PALM2AKAP2: variants seen among roughly 807,000 people sequenced by gnomAD.
PALM2AKAP2 encodes PALM2-AKAP2 fusion protein.
A neutral mutation model predicts 71.5 loss-of-function variants in PALM2AKAP2; 37 were observed. That is an observed-to-expected ratio of 0.52 (90% confidence interval 0.40 to 0.68). The LOEUF (loss-of-function observed/expected upper bound fraction) is 0.68, where lower values mean the gene tolerates loss of function less well. Among genes scored for constraint, PALM2AKAP2 ranks in the 30% least tolerant of loss-of-function variants. PALM2AKAP2 has a pLI of 0.00. For synonymous variants in PALM2AKAP2, 468 were observed against 478.8 expected, an observed-to-expected ratio of 0.98 and a Z score of 0.29; for missense variants, 1,224 against 1,191.8, an observed-to-expected ratio of 1.03 and a Z score of -0.40.
intron 6 of PALM2AKAP2, among the ~76,000 whole-genome samples, chr9:110,013,085 C>G (rs1347353463): frequency 6.6e-6 from 1 of 152,278 alleles, no homozygotes; most frequent in East Asian, 1.9e-4. Context: ...CTGATCTAGA[C>G]CTGGCTTGGC....
chr9:109,871,542 T>A (rs886980481), intron 2 of PALM2AKAP2, among the ~76,000 whole-genome samples: 3 of 152,192 alleles, frequency 2.0e-5, no homozygotes, highest in Non-Finnish European at 2.9e-5. Flanking sequence ...CAGCAAAATA[T>A]AAAGAAAAAA....
At chr9:109,925,934 TG>T (rs1307676489) in intron 5 of PALM2AKAP2, among the ~76,000 whole-genome samples, 1 of 152,160 alleles carries the variant, frequency 6.6e-6, no homozygotes, top group Non-Finnish European at 1.5e-5. Context: ...GGGCTGGGTG[TG>T]GTGGCTCAGG....
intron 6 of PALM2AKAP2, among the ~76,000 whole-genome samples, chr9:109,989,512 G>A (rs1466602774): frequency 6.6e-6 from 1 of 152,202 alleles, no homozygotes; most frequent in African/African-American, 2.4e-5. Context: ...GCCTGGAACA[G>A]TCACATTCTT....
intron 1 of PALM2AKAP2, among the ~76,000 whole-genome samples, chr9:109,658,365 C>G (rs145933009): frequency 0.013 from 1,948 of 152,134 alleles, 54 homozygotes; most frequent in African/African-American, 0.045. Context: ...TTTTCATTCC[C>G]TGTATCAATA....
At chr9:110,003,745 A>C (rs1432029570) in intron 6 of PALM2AKAP2, among the ~76,000 whole-genome samples, 1 of 152,184 alleles carries the variant, frequency 6.6e-6, no homozygotes, top group East Asian at 1.9e-4. Flanking sequence ...TAGGATAGTT[A>C]GCTCTTCTTG....
intron 6 of PALM2AKAP2, among the ~76,000 whole-genome samples, chr9:110,013,991 G>A (rs983201105): frequency 3.9e-5 from 6 of 152,146 alleles, no homozygotes; most frequent in African/African-American, 1.4e-4. Flanking sequence ...ACATACTCAT[G>A]CTCATTTGTT....
At chr9:110,078,013 C>CA (rs34622810) in intron 1 of PALM2AKAP2, among the ~76,000 whole-genome samples, 13,297 of 97,326 alleles carry the variant, frequency 0.14, 669 homozygotes, top group African/African-American at 0.19. Flanking sequence ...GACTCAGTCT[C>CA]AAAAAAAAAA....
At chr9:109,835,866 A>G (rs1564171556) in intron 1 of PALM2AKAP2, among the ~76,000 whole-genome samples, 1 of 152,186 alleles carries the variant, frequency 6.6e-6, no homozygotes, top group Non-Finnish European at 1.5e-5. Context: ...TTGAGTAGGT[A>G]AACAAAGTGG....
At chr9:110,076,979 G>A (rs762121841) in intron 1 of PALM2AKAP2, among the ~76,000 whole-genome samples, 1 of 152,202 alleles carries the variant, frequency 6.6e-6, no homozygotes, top group African/African-American at 2.4e-5. Context: ...CACCCCTGTG[G>A]TAGGCCCAGG....
intron 1 of PALM2AKAP2, among the ~76,000 whole-genome samples, chr9:109,733,431 T>C (rs1159074124): frequency 6.6e-6 from 1 of 152,188 alleles, no homozygotes; most frequent in East Asian, 1.9e-4. Context: ...GGAAGTGTTG[T>C]GTCTGGCTTA....
chr9:109,733,451 C>T lies in PALM2AKAP2; in HGVS notation c.6-47037C>T, dbSNP rs1011085128. Among the ~76,000 whole-genome samples, 28 of 152,060 alleles carry T rather than the reference C, an allele frequency of 1.8e-4. 1 individual carries two copies. The highest frequency in any genetic ancestry group is 1.6e-3 in the Admixed American group (24 of 15,266). On this transcript the variant is annotated intron_variant, in intron 1 of 6. Transcript: ENST00000374531. The stretch of plus-strand genomic sequence containing the variant: ...TGTTGTGTCTGGCTTAATGGCTAGG[C>T]AGAGTGAGAACAGAGGCTGGAACAC...
At chr9:109,704,499 G>T (rs75425073) in intron 1 of PALM2AKAP2, among the ~76,000 whole-genome samples, 154 of 152,290 alleles carry the variant, frequency 1.0e-3, no homozygotes, top group African/African-American at 3.7e-3. Flanking sequence ...GTTTTAGAGG[G>T]AGGATACTGC....
At chr9:109,782,660 G>A (rs1486261133) in intron 1 of PALM2AKAP2, among the ~76,000 whole-genome samples, 1 of 151,984 alleles carries the variant, frequency 6.6e-6, no homozygotes, top group African/African-American at 2.4e-5. Context: ...GTATCCAAGG[G>A]GGTCCTGAAA....
intron 1 of PALM2AKAP2, among the ~76,000 whole-genome samples, chr9:109,770,132 T>TGACC (rs771909218): frequency 4.6e-5 from 7 of 152,212 alleles, no homozygotes; most frequent in Non-Finnish European, 8.8e-5. Flanking sequence ...AGAGGAGCTC[T>TGACC]TGGGCTGGGT....
chr9:110,168,486 GA>G lies in PALM2AKAP2; in HGVS notation c.2837del (p.Asp946AlafsTer26). The stretch of plus-strand genomic sequence containing the variant: ...GATCTATGCCAACCAGGAGGAAGAA[GA>G]CAACGAATAAACTTCCTTCAACCCA... On this transcript the variant is annotated frameshift_variant, in exon 4 of 4. Transcript: ENST00000374525. LOFTEE classifies it high-confidence loss of function. The G allele has an allele frequency of 6.2e-7, 1 of 1,614,130 alleles. No individual in the cohort carries two copies.
intron 1 of PALM2AKAP2, among the ~76,000 whole-genome samples, chr9:109,667,288 A>C (rs1211638898): frequency 7.9e-5 from 12 of 152,156 alleles, no homozygotes; most frequent in Non-Finnish European, 1.5e-4. Context: ...GAAGACACAG[A>C]CACCACCCTA....
chr9:109,825,044 A>T (rs1828108853), intron 1 of PALM2AKAP2, among the ~76,000 whole-genome samples: 1 of 152,242 alleles, frequency 6.6e-6, no homozygotes, highest in Admixed American at 6.5e-5. Flanking sequence ...AATGTAGCTG[A>T]ATTAGTACAC....
intron 7 of PALM2AKAP2, among the ~76,000 whole-genome samples, chr9:110,035,913 GATAT>G (rs534257373): frequency 6.7e-6 from 1 of 149,732 alleles, no homozygotes; most frequent in Non-Finnish European, 1.5e-5. Context: ...ACATATATAT[GATAT>G]ATATATTGTT....
chr9:109,894,146 G>C (rs914420216), intron 3 of PALM2AKAP2, among the ~76,000 whole-genome samples: 1 of 152,074 alleles, frequency 6.6e-6, no homozygotes, highest in African/African-American at 2.4e-5. Flanking sequence ...AGCCCAGCCT[G>C]GTCAACATGA....
Sources: gnomAD v4.1 joint callset for allele counts (sites outside exome capture counted in the v4.1 genomes callset) on GRCh38, gnomAD v4.1.1 for gene constraint, MANE v1.5 for transcripts, NCBI Gene and HGNC (gene_info 2026-07-23, HGNC 2026-07-21) for gene names.